The following OR52N4 variants were observed in gnomAD, a reference collection of about 807,000 sequenced individuals.
The protein encoded by OR52N4 is olfactory receptor family 52 subfamily N member 4.
A neutral mutation model predicts 15.0 loss-of-function variants in OR52N4; 15 were observed. The observed-to-expected ratio is 1.00, with a 90% confidence interval of 0.67 to 1.54. The LOEUF (loss-of-function observed/expected upper bound fraction) is 1.54. Among genes scored for constraint, OR52N4 ranks in the 40% most tolerant of loss-of-function variants. The pLI, the probability that OR52N4 is intolerant of heterozygous loss-of-function variation, is 0.00. For synonymous variants in OR52N4, 143 were observed against 143.7 expected (o/e 1.00, Z 0.03); for missense variants, 421 against 394.0 (o/e 1.07, Z -0.58).
At chr11:5,741,898 G>A in the OR52N4 span, among the ~76,000 whole-genome samples, 3 of 152,104 alleles carry the variant, frequency 2.0e-5, no homozygotes, top group Admixed American at 6.6e-5. Context: ...CAAGGGTGAC[G>A]CCTAACATCT....
chr11:5,751,026 A>C (rs555572683), upstream of OR52N4, among the ~76,000 whole-genome samples: 15 of 151,930 alleles, frequency 9.9e-5, no homozygotes, highest in Admixed American at 2.0e-4. Context: ...TTATAGAAAA[A>C]CCTTATCAAA....
chr11:5,731,447 C>G, the OR52N4 span, among the ~76,000 whole-genome samples: 5 of 152,138 alleles, frequency 3.3e-5, no homozygotes, highest in Admixed American at 6.5e-5. Context: ...TCTGGCACCT[C>G]CAGAATTGTT....
At chr11:5,726,930 T>G in the OR52N4 span, 1 of 155,692 alleles carries the variant, frequency 6.4e-6, no homozygotes, top group African/African-American at 2.4e-5. Flanking sequence ...GACACCATCA[T>G]TGCCCACATA....
chr11:5,755,179 G>T lies in OR52N4; in HGVS notation c.439G>T (p.Gly147Trp). ...ILTNPVIAKV[G>W]TATFLRGVLL... ...CACCAATCCTGTAATTGCAAAGGTTGGGACTGCCACCTTCCTGAGAGGGGT... is the reference window on the plus strand; with the variant it reads ...CACCAATCCTGTAATTGCAAAGGTTTGGACTGCCACCTTCCTGAGAGGGGT... The change falls in exon 2 of 2, where the codon GGG (glycine) becomes TGG (tryptophan). Residue 147 changes from glycine to tryptophan, a missense_variant. By Grantham distance (184) the Gly-to-Trp change is radical (BLOSUM62 -2). Coordinates refer to ENST00000641350, the MANE Select transcript of OR52N4 (RefSeq NM_001005175.5). 6.2e-7 allele frequency: 1 copy of T among 1,614,012 alleles called. No homozygotes were observed. Among genetic ancestry groups the T allele is most frequent in the East Asian group, 2.2e-5 (1 of 44,870 alleles).
chr11:5,749,074 A>G, the OR52N4 span, among the ~76,000 whole-genome samples: 1 of 151,976 alleles, frequency 6.6e-6, no homozygotes, highest in Non-Finnish European at 1.5e-5. Flanking sequence ...TCAGTTCAAT[A>G]GTTCAGACAT....
At chr11:5,730,189 A>ATT in the OR52N4 span, among the ~76,000 whole-genome samples, 24 of 110,206 alleles carry the variant, frequency 2.2e-4, no homozygotes, top group African/African-American at 3.1e-4. Flanking sequence ...AGCAGTAACC[A>ATT]TTTTTTTTTT....
the OR52N4 span, among the ~76,000 whole-genome samples, chr11:5,729,476 C>T: frequency 2.0e-5 from 3 of 152,152 alleles, no homozygotes; most frequent in Non-Finnish European, 4.4e-5. Context: ...TACAGTTCAT[C>T]AACAAAATTA....
rs1854259799 is a variant in OR52N4 at position 5,754,727 on chromosome 11, C to A, written c.-14C>A. On this transcript the variant is annotated 5_prime_UTR_variant, in exon 2 of 2. Transcript: ENST00000641350. ...GACAAATTTTGAGCTATTTCATAACCTACCAGACTTATCATGCTAACACTG... is the reference window on the plus strand; with the variant it reads ...GACAAATTTTGAGCTATTTCATAACATACCAGACTTATCATGCTAACACTG... The A allele has an allele frequency of 6.2e-7, 1 of 1,600,206 alleles. No individual in the cohort carries two copies. Among genetic ancestry groups the A allele is most frequent in the Non-Finnish European group, 8.5e-7 (1 of 1,173,122 alleles).
chr11:5,733,375 A>C, the OR52N4 span, among the ~76,000 whole-genome samples: 1 of 152,106 alleles, frequency 6.6e-6, no homozygotes, highest in Non-Finnish European at 1.5e-5. Flanking sequence ...TACCTTGACT[A>C]TGCCTTGATC....
chr11:5,747,912 G>A, the OR52N4 span, among the ~76,000 whole-genome samples: 1 of 151,914 alleles, frequency 6.6e-6, no homozygotes, highest in Admixed American at 6.6e-5. Flanking sequence ...TATCAACTTG[G>A]CACATAACTA....
the OR52N4 span, chr11:5,738,397 A>C: frequency 6.6e-6 from 1 of 152,182 alleles, no homozygotes; most frequent in Non-Finnish European, 1.5e-5. Flanking sequence ...CTTCAGGCCA[A>C]GGGGCTGATA....
chr11:5,741,761 T>C, the OR52N4 span, among the ~76,000 whole-genome samples: 1 of 151,962 alleles, frequency 6.6e-6, no homozygotes, highest in African/African-American at 2.4e-5. Context: ...TTGAGGCAAA[T>C]AACTGCCAGA....
At chr11:5,748,611 A>G in the OR52N4 span, among the ~76,000 whole-genome samples, 1 of 151,958 alleles carries the variant, frequency 6.6e-6, no homozygotes, top group Non-Finnish European at 1.5e-5. Context: ...CCATATTTGC[A>G]TAGTTCCCAG....
Position 5,754,786 on chromosome 11 carries a change from C to T in OR52N4, c.46C>T (p.Leu16=), listed in dbSNP as rs751360439. The change falls in exon 2 of 2, where the codon CTG becomes TTG. Residue 16 remains leucine, a synonymous_variant. Coordinates refer to ENST00000641350, the MANE Select transcript of OR52N4 (RefSeq NM_001005175.5). ...KTDLIPASFI[L]NGVPGLEDTQ... is the part of the protein sequence containing the mutation. ...AGACCTAATACCAGCTTCATTTATT[C>T]TGAATGGAGTCCCAGGACTGGAAGA... 6.2e-7 allele frequency: 1 copy of T among 1,613,392 alleles called. No individual in the cohort carries two copies. Among genetic ancestry groups the T allele is most frequent in the Non-Finnish European group, 8.5e-7 (1 of 1,179,578 alleles).
chr11:5,742,391 G>T, the OR52N4 span, among the ~76,000 whole-genome samples: 1 of 152,074 alleles, frequency 6.6e-6, no homozygotes, highest in African/African-American at 2.4e-5. Context: ...AAAATACTTT[G>T]CAAGATGAAC....
the OR52N4 span, chr11:5,736,276 A>G: frequency 2.0e-6 from 1 of 498,092 alleles, no homozygotes; most frequent in Non-Finnish European, 3.6e-6. Context: ...TGTAGCTATA[A>G]ATTTCATCTC....
the OR52N4 span, chr11:5,736,432 A>G: frequency 1.7e-6 from 2 of 1,185,142 alleles, no homozygotes; most frequent in Non-Finnish European, 2.4e-6. Flanking sequence ...GGCTTAGAAA[A>G]ATACTACAAT....
upstream of OR52N4, among the ~76,000 whole-genome samples, chr11:5,750,602 A>T (rs1467946680): frequency 2.0e-5 from 3 of 151,998 alleles, no homozygotes; most frequent in Non-Finnish European, 4.4e-5. Flanking sequence ...GATTATTGCC[A>T]CTGTCACTGT....
At chr11:5,751,719 T>A (rs1007866514), upstream of OR52N4, among the ~76,000 whole-genome samples, 5 of 152,190 alleles carry the variant, frequency 3.3e-5, no homozygotes, top group Non-Finnish European at 5.9e-5. Flanking sequence ...TGCTCGGCTC[T>A]GAGGATGCTT....
Sources: gnomAD v4.1 joint callset for allele counts (sites outside exome capture counted in the v4.1 genomes callset) on GRCh38, gnomAD v4.1.1 for gene constraint, MANE v1.5 for transcripts, NCBI Gene and HGNC (gene_info 2026-07-23, HGNC 2026-07-21) for gene names.